GPR155: variants seen among roughly 807,000 people sequenced by gnomAD.
The protein encoded by GPR155 is lysosomal cholesterol signaling protein.
Under a neutral mutation model 93.1 loss-of-function variants are expected in GPR155, and 65 were observed. The observed-to-expected ratio is 0.70, with a 90% CI of 0.57 to 0.86. The LOEUF is 0.86. Ranked by LOEUF, GPR155 falls within the 40% of genes least tolerant of loss-of-function variation. The pLI is 0.00. For missense variants in GPR155, 838 were observed against 1,034.8 expected, an observed-to-expected ratio of 0.81 and a Z score of 2.61; for synonymous variants, 319 against 360.1, an observed-to-expected ratio of 0.89 and a Z score of 1.29.
In GPR155 at chr2:174,470,411, T is replaced by C. The variant is rs139885175; in HGVS notation, c.1005A>G (p.Gln335=). The part of the protein sequence containing the change: ...VAPGVAIFAT[Q]FNMEVEIITS... ...ATACAATTTCTACTTCCATGTTGAA[T>C]TGTGTTGCAAAGATAGCCACTCCTG... Residue 335 remains glutamine (Q), a synonymous_variant, in exon 4 of 16, where the codon CAA becomes CAG. Transcript: ENST00000392552. 2.3e-4 allele frequency: 378 copies of C among 1,613,490 alleles called. 4 individuals carry two copies. The African/African-American group carries it at 4.6e-3, about 20-fold the overall frequency.
At position 174,481,854 on chromosome 2, in the gene GPR155, G is replaced by T; in HGVS notation, c.103C>A (p.Pro35Thr). Residue 35 changes from proline to threonine, a missense_variant, in exon 2 of 16, where the codon CCT (proline) becomes ACT (threonine). Transcript: ENST00000392552. ...THGFNSTNDP[P>T]SMSITRLFPA... ...AAAAGCCTTGTAATTGACATTGAAG[G>T]TGGGTCATTAGTGGAATTAAATCCA... The T allele has an allele frequency of 6.2e-7, 1 of 1,614,122 alleles. No individual in the cohort carries two copies. Among genetic ancestry groups the T allele is most frequent in the Non-Finnish European group, 8.5e-7 (1 of 1,179,968 alleles).
chr2:174,444,161 A>T (rs1348301546), intron 13 of GPR155, among the ~76,000 whole-genome samples: 1 of 152,156 alleles, frequency 6.6e-6, no homozygotes, highest in African/African-American at 2.4e-5. Flanking sequence ...TCATGCCTGT[A>T]ATCCCAGCAC....
intron 10 of GPR155, 118 bp downstream of exon 10, chr2:174,459,760 G>C (rs928253477): frequency 1.0e-5 from 7 of 677,868 alleles, no homozygotes; most frequent in Non-Finnish European, 1.7e-5. Flanking sequence ...TGGCAGAATC[G>C]CTTAAACACA....
chr2:174,485,544 C>T (rs959606660), intron 1 of GPR155, among the ~76,000 whole-genome samples: 1 of 151,154 alleles, frequency 6.6e-6, no homozygotes, highest in African/African-American at 2.4e-5. Flanking sequence ...TTGCAGTGAG[C>T]CGAGATCCTG....
rs756426118 is a variant in GPR155, at chr2:174,436,433, A to AT, written c.2313-18dup. On this transcript the variant is annotated splice_polypyrimidine_tract_variant and intron_variant, in intron 15 of 15. Transcript: ENST00000392552. ...GCACCACACCTGTGTCAAAGGAATG[A>AT]TTCACCCATATTTTCTGTAAATCTG... 6.2e-7 allele frequency: 1 copy of AT among 1,611,694 alleles called. No individual in the cohort carries two copies.
rs1343179563 is a variant in GPR155 at position 174,431,599 on chromosome 2, T to C, written c.*4517A>G. ...CATTAATTATTTCAACCTTTTATCA[T>C]ACCAATTGCAGAAATTTATAATCTC... On this transcript the variant is annotated 3_prime_UTR_variant, in exon 16 of 16. Coordinates refer to ENST00000392552, the MANE Select transcript of GPR155 (RefSeq NM_152529.7). 6.6e-6 allele frequency: 1 copy of C among 152,222 alleles called. No individual in the cohort carries two copies. Among genetic ancestry groups the C allele is most frequent in the Non-Finnish European group, 1.5e-5 (1 of 68,040 alleles). 9.4% of individuals were successfully genotyped at this position (152,222 alleles called of 1,614,324 possible). A position where few individuals can be genotyped will look rare whatever the true frequency, so the allele number is the denominator to read the frequency against.
In GPR155 at chr2:174,459,922, G is replaced by A. The variant is rs1204972249; in HGVS notation, c.1727C>T (p.Pro576Leu). The A allele has an allele frequency of 1.2e-6, 2 of 1,613,906 alleles. No individual in the cohort carries two copies. The highest frequency in any genetic ancestry group is 4.5e-5 in the East Asian group (2 of 44,864). Residue 576 changes from proline (P) to leucine (L), a missense_variant, in exon 10 of 16, where the codon CCA (proline) becomes CTA (leucine). Pro to Leu is a moderately conservative substitution (Grantham distance 98, BLOSUM62 -3). This residue lies in a region of GPR155 where 663 missense variants were observed against 790.1 expected (regional missense o/e 0.84). Coordinates refer to ENST00000392552, the MANE Select transcript of GPR155 (RefSeq NM_152529.7). ...TGTAAAAAGTTCTGGTTCATTTACT[G>A]GTGCTGGACTCTCCTCAAAAGCAGT... The part of the protein sequence containing the change: ...GNTAFEESPA[P>L]VNEPELFTSS...
rs1356801864 is a variant in GPR155 at position 174,461,475 on chromosome 2, A to G, written c.1487T>C (p.Val496Ala). Residue 496 changes from valine (V) to alanine (A), a missense_variant, in exon 9 of 16, where the codon GTT becomes GCT. Val to Ala is a moderately conservative substitution (Grantham distance 64, BLOSUM62 0). Around this residue, in one of 3 missense-constraint regions of GPR155, gnomAD observed 663 missense variants for 790.1 expected, o/e 0.84. Coordinates refer to ENST00000392552, the MANE Select transcript of GPR155 (RefSeq NM_152529.7). ...ISGWGIPALL[V>A]GVLLITGKHN... ...TTTTCCAGTTATCAAAAGAACACCA[A>G]CAAGGAGAGCAGGAATTCTGTAATC... The G allele has an allele frequency of 6.2e-7, 1 of 1,612,536 alleles. No individual in the cohort carries two copies. Among genetic ancestry groups the G allele is most frequent in the Admixed American group, 1.7e-5 (1 of 59,996 alleles).
chr2:174,482,884 T>C (rs1688367707), intron 1 of GPR155: 1 of 152,228 alleles, frequency 6.6e-6, no homozygotes, highest in Non-Finnish European at 1.5e-5. Context: ...ACATGGGAAC[T>C]TGCGATTATT....
intron 11 of GPR155, among the ~76,000 whole-genome samples, chr2:174,452,479 A>C (rs1687348475): frequency 6.6e-6 from 1 of 152,210 alleles, no homozygotes; most frequent in African/African-American, 2.4e-5. Context: ...CAGTTGACAT[A>C]GGCCTTATCA....
chr2:174,482,964 T>G (rs753737747), intron 1 of GPR155: 1 of 151,994 alleles, frequency 6.6e-6, no homozygotes, highest in Non-Finnish European at 1.5e-5. Flanking sequence ...TAACTTTTGG[T>G]AGAACATGAG....
At position 174,436,269 on chromosome 2, in the gene GPR155, G is replaced by C. The variant is rs6757461; in HGVS notation, c.2460C>G (p.Asn820Lys). ...VQGGVIQHITNEYEFRDEYLF... is the reference protein window; with the variant it reads ...VQGGVIQHITKEYEFRDEYLF... The stretch of plus-strand genomic sequence containing the variant: ...AGTACTCATCCCGGAATTCATACTC[G>C]TTGGTAATATGTTGGATGACTCCCC... Residue 820 changes from asparagine (N) to lysine (K), a missense_variant, in exon 16 of 16, where the codon AAC becomes AAG. Transcript: ENST00000392552. 1 of 1,612,570 alleles carries C rather than the reference G, an allele frequency of 6.2e-7. No homozygotes were observed. The highest frequency in any genetic ancestry group is 1.3e-5 in the African/African-American group (1 of 74,848).
chr2:174,443,574 C>T (rs977652573), intron 13 of GPR155, among the ~76,000 whole-genome samples: 6 of 152,126 alleles, frequency 3.9e-5, no homozygotes, highest in Middle Eastern at 3.4e-3. Context: ...ACTGAAAATA[C>T]AAAAATTAGC....
At chr2:174,453,129 C>A (rs1021423373) in intron 11 of GPR155, among the ~76,000 whole-genome samples, 5 of 152,286 alleles carry the variant, frequency 3.3e-5, no homozygotes, top group South Asian at 2.1e-4. Flanking sequence ...CACCTCCCAC[C>A]AAAATGCCCT....
intron 11 of GPR155, among the ~76,000 whole-genome samples, chr2:174,449,961 G>T (rs1687268466): frequency 6.6e-6 from 1 of 152,030 alleles, no homozygotes; most frequent in African/African-American, 2.4e-5. Context: ...GGACGACAGA[G>T]CGAGACTCCA....
intron 1 of GPR155, among the ~76,000 whole-genome samples, chr2:174,482,462 G>T (rs1426852921): frequency 6.6e-6 from 1 of 152,146 alleles, no homozygotes; most frequent in Non-Finnish European, 1.5e-5. Flanking sequence ...AGTCACCCAG[G>T]GACCAGAGTC....
intron 7 of GPR155, among the ~76,000 whole-genome samples, chr2:174,461,987 G>A (rs1297737706): frequency 6.6e-6 from 1 of 152,076 alleles, no homozygotes; most frequent in Non-Finnish European, 1.5e-5. Flanking sequence ...CCAGGCTGGA[G>A]TGCAGAGGTG....
intron 4 of GPR155, among the ~76,000 whole-genome samples, chr2:174,469,385 C>T (rs1229158191): frequency 2.6e-5 from 4 of 152,100 alleles, no homozygotes; most frequent in African/African-American, 4.8e-5. Flanking sequence ...TATAAATAAA[C>T]CTGTTTCACA....
intron 2 of GPR155, 131 bp downstream of exon 2, chr2:174,481,366 T>C: frequency 1.7e-6 from 1 of 588,844 alleles, no homozygotes. Flanking sequence ...AAACTATGAT[T>C]CATCCTAAGA....
Sources: gnomAD v4.1 joint callset for allele counts (sites outside exome capture counted in the v4.1 genomes callset) on GRCh38, gnomAD v4.1.1 for gene constraint, gnomAD v4.1.1 regional missense constraint, MANE v1.5 for transcripts, NCBI Gene and HGNC (gene_info 2026-07-23, HGNC 2026-07-21) for gene names.